OR11A1: variants seen among roughly 807,000 people sequenced by gnomAD.
OR11A1 encodes olfactory receptor family 11 subfamily A member 1, also known as olfactory receptor 11A1.
For synonymous variants in OR11A1, 158 were observed against 152.2 expected (o/e 1.04, Z -0.28); for missense variants, 380 against 378.2 (o/e 1.00, Z -0.04).
intron 1 of OR11A1, among the ~76,000 whole-genome samples, chr6:29,438,643 A>T (rs942957251): frequency 2.6e-5 from 4 of 152,236 alleles, no homozygotes; most frequent in African/African-American, 9.6e-5. Context: ...TGTTCTTAAC[A>T]GGTCATTCTG....
intron 2 of OR11A1, among the ~76,000 whole-genome samples, chr6:29,431,409 G>T (rs1454540611): frequency 6.6e-6 from 1 of 151,770 alleles, no homozygotes; most frequent in Non-Finnish European, 1.5e-5. Context: ...ATACTTAAAA[G>T]GTTTTAAAAG....
intron 1 of OR11A1, chr6:29,441,082 C>A: frequency 1.6e-6 from 1 of 634,326 alleles, no homozygotes; most frequent in South Asian, 2.0e-5. Context: ...ACAAACTTAT[C>A]TTTGAAAAGC....
At chr6:29,430,758 G>A (rs963224089) in intron 2 of OR11A1, among the ~76,000 whole-genome samples, 2 of 151,976 alleles carry the variant, frequency 1.3e-5, no homozygotes, top group South Asian at 2.1e-4. Flanking sequence ...AGACTCAATC[G>A]CTACACAATA....
chr6:29,444,645 A>T (rs1218179488), intron 1 of OR11A1, among the ~76,000 whole-genome samples: 1 of 151,022 alleles, frequency 6.6e-6, no homozygotes, highest in Non-Finnish European at 1.5e-5. Context: ...CTCTTTCTCC[A>T]CCATAGATAG....
chr6:29,454,885 A>C (rs1020025125), intron 1 of OR11A1, among the ~76,000 whole-genome samples: 1 of 149,044 alleles, frequency 6.7e-6, no homozygotes, highest in Non-Finnish European at 1.5e-5. Flanking sequence ...TTGTTTAAAA[A>C]AGCAGCCATT....
chr6:29,450,896 A>G (rs1391129254), intron 1 of OR11A1, among the ~76,000 whole-genome samples: 1 of 152,252 alleles, frequency 6.6e-6, no homozygotes, highest in African/African-American at 2.4e-5. Flanking sequence ...AAAAGAGCAC[A>G]AATAGCCAAA....
chr6:29,439,988 G>A (rs1783969802), intron 1 of OR11A1: 2 of 1,573,728 alleles, frequency 1.3e-6, no homozygotes, highest in Non-Finnish European at 1.7e-6. Context: ...CATTTCTTTT[G>A]TCTTCCAGTC....
intron 1 of OR11A1, among the ~76,000 whole-genome samples, chr6:29,441,259 G>A (rs1016884148): frequency 6.6e-6 from 1 of 152,236 alleles, no homozygotes; most frequent in South Asian, 2.1e-4. Context: ...GACTAGCAAG[G>A]TAATAAAATT....
chr6:29,454,255 A>C (rs1335518422), intron 1 of OR11A1, among the ~76,000 whole-genome samples: 1 of 152,170 alleles, frequency 6.6e-6, no homozygotes, highest in East Asian at 1.9e-4. Context: ...AGTTAAATTA[A>C]AACCATTTTT....
chr6:29,431,833 G>A (rs1478069716), intron 2 of OR11A1, 31 bp downstream of exon 2: 1 of 982,998 alleles, frequency 1.0e-6, no homozygotes, highest in Non-Finnish European at 1.2e-6. Context: ...TGTGAACTAA[G>A]CTGTAAAGAA....
At chr6:29,441,043 C>A in intron 1 of OR11A1, 1 of 865,932 alleles carries the variant, frequency 1.2e-6, no homozygotes, top group Non-Finnish European at 1.8e-6. Context: ...TCTTTCTTCA[C>A]ATTAGGGGAG....
At chr6:29,429,030 TATC>T (rs1218715633) in intron 3 of OR11A1, 70 bp from the exon 4 acceptor site, 20 of 366,762 alleles carry the variant, frequency 5.5e-5, no homozygotes, top group East Asian at 3.4e-4. Context: ...AAAAAGCAGA[TATC>T]ATATAAATAA....
chr6:29,427,464 G>C lies in OR11A1; in HGVS notation c.178C>G (p.Pro60Ala). Residue 60 changes from proline (P) to alanine (A), a missense_variant, in exon 5 of 5, where the codon CCC becomes GCC. By Grantham distance (27) the Pro-to-Ala change is conservative. Transcript: ENST00000377149. ...AGATTCGCCAAGAAAATATACATGGGTTTGTGGAGCCTCTGGGAGCTAACC... is the reference window on the plus strand; with the variant it reads ...AGATTCGCCAAGAAAATATACATGGCTTTGTGGAGCCTCTGGGAGCTAACC... ...AVVSSQRLHK[P>A]MYIFLANLSF... 1 of 1,613,064 alleles carries C rather than the reference G, an allele frequency of 6.2e-7. No homozygotes were observed. Among genetic ancestry groups the C allele is most frequent in the Non-Finnish European group, 8.5e-7 (1 of 1,180,042 alleles).
chr6:29,454,292 T>C (rs550317257), intron 1 of OR11A1, among the ~76,000 whole-genome samples: 3 of 152,114 alleles, frequency 2.0e-5, no homozygotes, highest in Non-Finnish European at 4.4e-5. Flanking sequence ...ATATAGTCTT[T>C]CATTGGGTAG....
At chr6:29,439,275 AAG>A (rs1472206426) in intron 1 of OR11A1, 3 of 152,228 alleles carry the variant, frequency 2.0e-5, no homozygotes, top group Non-Finnish European at 2.9e-5. Context: ...TTTACAATGT[AAG>A]AGGACTAAGT....
At chr6:29,454,922 C>A (rs1486004117) in intron 1 of OR11A1, among the ~76,000 whole-genome samples, 7 of 151,476 alleles carry the variant, frequency 4.6e-5, no homozygotes, top group Non-Finnish European at 2.9e-5. Flanking sequence ...GGCCTTTTGG[C>A]TAAGATCAAG....
Position 29,426,087 on chromosome 6 carries a change from TAGAA to T in OR11A1, c.*603_*606del, listed in dbSNP as rs1354725518. ...TTGTATGTATAAATATAAATACACA[TAGAA>T]AGAAATTTTTAAATGTCATACAACA... On this transcript the variant is annotated 3_prime_UTR_variant, in exon 5 of 5. Coordinates refer to ENST00000377149, the MANE Select transcript of OR11A1 (RefSeq NM_001394828.1). 2.0e-5 allele frequency: 3 copies of T among 152,496 alleles called. No individual in the cohort carries two copies. Among genetic ancestry groups the T allele is most frequent in the African/African-American group, 7.2e-5 (3 of 41,444 alleles). 9.4% of individuals were successfully genotyped at this position (152,496 alleles called of 1,614,324 possible).
rs1054080423 is a variant in OR11A1, at chr6:29,425,843, A to T, written c.*851T>A. The T allele has an allele frequency of 1.3e-5, 2 of 152,212 alleles. No individual in the cohort carries two copies. The highest frequency in any genetic ancestry group is 4.8e-5 in the African/African-American group (2 of 41,466). The allele number at this position is 152,212 out of a possible 1,614,324, so 9.4% of individuals were successfully genotyped here. On this transcript the variant is annotated 3_prime_UTR_variant, in exon 5 of 5. Coordinates refer to ENST00000377149, the MANE Select transcript of OR11A1 (RefSeq NM_001394828.1). ...AAAAACACATATCCTTAGATCTTGC[A>T]ATTTAGGTGCTAAAAGTTTATTACA...
At chr6:29,450,741 A>G (rs1785281603) in intron 1 of OR11A1, among the ~76,000 whole-genome samples, 1 of 152,230 alleles carries the variant, frequency 6.6e-6, no homozygotes, top group Non-Finnish European at 1.5e-5. Context: ...AAAACATTCC[A>G]TGTTCATGAA....
Sources: gnomAD v4.1 joint callset for allele counts (sites outside exome capture counted in the v4.1 genomes callset) on GRCh38, gnomAD v4.1.1 for gene constraint, MANE v1.5 for transcripts, NCBI Gene and HGNC (gene_info 2026-07-23, HGNC 2026-07-21) for gene names.